Variants in CDK19 observed in about 807,000 individuals in gnomAD.
CDK19 encodes the protein cyclin dependent kinase 19, also known as cyclin-dependent kinase 19.
A neutral mutation model predicts 68.3 loss-of-function variants in CDK19; 20 were observed. That is an observed-to-expected ratio of 0.29 (90% CI 0.21 to 0.43). CDK19 has a LOEUF of 0.43. Among genes scored for constraint, CDK19 ranks in the 20% least tolerant of loss-of-function variants. CDK19 has a pLI of 1.00. For synonymous variants in CDK19, 221 were observed against 222.8 expected (o/e 0.99, Z 0.07); for missense variants, 339 against 623.5 (o/e 0.54, Z 4.86).
At chr6:110,636,493 T>C (rs1238091482) in intron 5 of CDK19, among the ~76,000 whole-genome samples, 1 of 152,180 alleles carries the variant, frequency 6.6e-6, no homozygotes, top group Non-Finnish European at 1.5e-5. Context: ...GTATGCCATA[T>C]AGACCAGCGG....
intron 1 of CDK19, among the ~76,000 whole-genome samples, chr6:110,761,152 T>C (rs1047135118): frequency 6.6e-6 from 1 of 152,116 alleles, no homozygotes; most frequent in Non-Finnish European, 1.5e-5. Context: ...CTCATTTTGT[T>C]GCCCAGGCTG....
intron 4 of CDK19, among the ~76,000 whole-genome samples, chr6:110,643,870 A>G (rs1375127972): frequency 6.6e-6 from 1 of 152,164 alleles, no homozygotes; most frequent in Non-Finnish European, 1.5e-5. Flanking sequence ...TGAACCCAGG[A>G]TTTCAAGACC....
At position 110,763,152 on chromosome 6, in the gene CDK19, G is replaced by T. The variant is rs138915505; in HGVS notation, c.129-16951C>A. ...ATAGAAGGTATTATATATTAAAACT[G>T]CCTGAATCCCATAATTTAAAAAACT... is the stretch of plus-strand genomic sequence containing the variant. On this transcript the variant is annotated intron_variant, in intron 1 of 12. Transcript: ENST00000368911. Among the ~76,000 whole-genome samples, 310 of 152,208 alleles carry T rather than the reference G, an allele frequency of 2.0e-3. 1 individual carries two copies. The highest frequency in any genetic ancestry group is 7.2e-3 in the African/African-American group (299 of 41,496).
At chr6:110,637,988 A>G (rs1779892136) in intron 5 of CDK19, among the ~76,000 whole-genome samples, 1 of 152,248 alleles carries the variant, frequency 6.6e-6, no homozygotes, top group Admixed American at 6.5e-5. Flanking sequence ...GTCTCAAAAA[A>G]AGAAATTAGA....
intron 2 of CDK19, among the ~76,000 whole-genome samples, chr6:110,743,646 A>G (rs1263280995): frequency 6.7e-6 from 1 of 148,824 alleles, no homozygotes; most frequent in Non-Finnish European, 1.5e-5. Context: ...TGTCTCCTAC[A>G]AAAAAAAAAG....
chr6:110,712,321 C>T (rs906098795), intron 2 of CDK19, among the ~76,000 whole-genome samples: 4 of 152,178 alleles, frequency 2.6e-5, no homozygotes, highest in Admixed American at 6.5e-5. Context: ...AGCTTCTTTT[C>T]GCATTTCCAG....
intron 1 of CDK19, among the ~76,000 whole-genome samples, chr6:110,809,960 T>G (rs1414121725): frequency 6.6e-6 from 1 of 152,122 alleles, no homozygotes; most frequent in Non-Finnish European, 1.5e-5. Context: ...GGAAAGCTAT[T>G]TGAGTTGGGT....
At chr6:110,742,994 C>A (rs1180602449) in intron 2 of CDK19, among the ~76,000 whole-genome samples, 4 of 152,106 alleles carry the variant, frequency 2.6e-5, no homozygotes, top group Non-Finnish European at 5.9e-5. Context: ...GCTCAGGGGA[C>A]ATCACAGACC....
At chr6:110,794,043 T>G (rs941325070) in intron 1 of CDK19, among the ~76,000 whole-genome samples, 11 of 152,056 alleles carry the variant, frequency 7.2e-5, no homozygotes, top group Admixed American at 3.3e-4. Context: ...TTCCCAGTTT[T>G]TTTGTTTGTT....
At chr6:110,726,931 C>G (rs1776356828) in intron 2 of CDK19, among the ~76,000 whole-genome samples, 1 of 152,116 alleles carries the variant, frequency 6.6e-6, no homozygotes, top group African/African-American at 2.4e-5. Context: ...AAATCACATG[C>G]CATTTTTCCT....
chr6:110,639,550 C>A (rs1186983011), intron 4 of CDK19, among the ~76,000 whole-genome samples: 1 of 152,124 alleles, frequency 6.6e-6, no homozygotes, highest in Non-Finnish European at 1.5e-5. Context: ...CAGACGCTTA[C>A]TACATAAGTA....
At chr6:110,652,942 G>A (rs779001171) in intron 4 of CDK19, among the ~76,000 whole-genome samples, 2 of 152,154 alleles carry the variant, frequency 1.3e-5, no homozygotes, top group African/African-American at 2.4e-5. Flanking sequence ...CACAGTTTGA[G>A]AACAGAACCT....
chr6:110,725,520 G>C (rs771575763), intron 2 of CDK19, among the ~76,000 whole-genome samples: 68 of 152,046 alleles, frequency 4.5e-4, no homozygotes, highest in Admixed American at 1.2e-3. Context: ...TCTTAGCATT[G>C]ATTTTACAAA....
At chr6:110,620,083 A>C (rs9487464) in intron 12 of CDK19, among the ~76,000 whole-genome samples, 5,637 of 152,132 alleles carry the variant, frequency 0.037, 354 homozygotes, top group African/African-American at 0.13. Context: ...ACTGAAGCCT[A>C]AATTTGTTTA....
intron 2 of CDK19, among the ~76,000 whole-genome samples, chr6:110,690,787 G>GA (rs1186437371): frequency 2.6e-5 from 4 of 151,872 alleles, no homozygotes; most frequent in African/African-American, 9.7e-5. Context: ...CATCACCCCT[G>GA]AAAATACCAA....
At chr6:110,760,540 C>T (rs1289052761) in intron 1 of CDK19, among the ~76,000 whole-genome samples, 3 of 151,636 alleles carry the variant, frequency 2.0e-5, no homozygotes, top group Non-Finnish European at 4.4e-5. Flanking sequence ...CTAGCCTGGG[C>T]AACACAATGA....
intron 1 of CDK19, among the ~76,000 whole-genome samples, chr6:110,757,723 C>A (rs1267488492): frequency 6.6e-6 from 1 of 152,124 alleles, no homozygotes; most frequent in East Asian, 1.9e-4. Context: ...AAAAACCATT[C>A]ATATATGTAC....
intron 2 of CDK19, among the ~76,000 whole-genome samples, chr6:110,703,178 C>T (rs1369473037): frequency 6.6e-6 from 1 of 151,988 alleles, no homozygotes; most frequent in African/African-American, 2.4e-5. Context: ...GTGAAATAAC[C>T]TGAACTGGAC....
At chr6:110,662,365 CT>C (rs1351708367) in intron 4 of CDK19, among the ~76,000 whole-genome samples, 1 of 151,778 alleles carries the variant, frequency 6.6e-6, no homozygotes, top group African/African-American at 2.4e-5. Flanking sequence ...TTATTGTGTA[CT>C]AGGTTCTGGG....
Sources: gnomAD v4.1 joint callset for allele counts (sites outside exome capture counted in the v4.1 genomes callset) on GRCh38, gnomAD v4.1.1 for gene constraint, MANE v1.5 for transcripts, NCBI Gene and HGNC (gene_info 2026-07-23, HGNC 2026-07-21) for gene names.